GRIN2A: variants seen among roughly 807,000 people sequenced by gnomAD.
GRIN2A encodes glutamate receptor ionotropic, NMDA 2A.
A neutral mutation model predicts 113.4 loss-of-function variants in GRIN2A; 22 were observed. The ratio of observed to expected loss-of-function variants is 0.19; its 90% CI spans 0.14 to 0.28. GRIN2A has a LOEUF of 0.28. GRIN2A is among the 10% of genes least tolerant of loss of function. The pLI, the probability that GRIN2A is intolerant of heterozygous loss-of-function variation, is 1.00. For missense variants in GRIN2A, 1,502 were observed against 1,887.0 expected, an observed-to-expected ratio of 0.80 and a Z score of 3.78; for synonymous variants, 827 against 738.4, an observed-to-expected ratio of 1.12 and a Z score of -1.94.
intron 2 of GRIN2A, among the ~76,000 whole-genome samples, chr16:10,137,586 G>A (rs1186022429): frequency 3.3e-5 from 5 of 152,146 alleles, no homozygotes; most frequent in Non-Finnish European, 7.4e-5. Flanking sequence ...CCCGTCAGCT[G>A]GCTGTATGGC....
intron 2 of GRIN2A, among the ~76,000 whole-genome samples, chr16:10,029,854 AG>A (rs2046896019): frequency 1.3e-5 from 2 of 151,960 alleles, no homozygotes; most frequent in Admixed American, 1.3e-4. Flanking sequence ...AAAATTAGCC[AG>A]GTGTGGTGCT....
chr16:9,761,598 C>T lies in GRIN2A; in HGVS notation c.*1551G>A, dbSNP rs1048908875. 8.7e-6 allele frequency: 2 copies of T among 229,374 alleles called. No individual in the cohort carries two copies. Among genetic ancestry groups the T allele is most frequent in the African/African-American group, 4.4e-5 (2 of 45,104 alleles). 14.2% of individuals were successfully genotyped at this position (229,374 alleles called of 1,614,324 possible). A position where few individuals can be genotyped will look rare whatever the true frequency, so the allele number is the denominator to read the frequency against. ...ATATTTAATTTTTAAACTAGAAAAT[C>T]CTGATCTGAGAAAGTGTCATAACAT... On this transcript the variant is annotated 3_prime_UTR_variant, in exon 13 of 13. Coordinates refer to ENST00000330684, the MANE Select transcript of GRIN2A (RefSeq NM_001134407.3).
At chr16:10,136,047 G>A (rs10744973) in intron 2 of GRIN2A, among the ~76,000 whole-genome samples, 143,664 of 152,198 alleles carry the variant, frequency 0.94, 68,232 homozygotes, top group East Asian at 1. Flanking sequence ...ATAAGCACAT[G>A]TAAGTTAAGT....
intron 10 of GRIN2A, among the ~76,000 whole-genome samples, chr16:9,806,745 T>TATTA (rs34232956): frequency 0.32 from 48,779 of 151,102 alleles, 8,041 homozygotes; most frequent in African/African-American, 0.41. Flanking sequence ...AAGTGAGATA[T>TATTA]ATTGCAAGAA....
At chr16:9,765,626 T>C (rs576411605) in intron 12 of GRIN2A, among the ~76,000 whole-genome samples, 36 of 152,228 alleles carry the variant, frequency 2.4e-4, no homozygotes, top group African/African-American at 8.4e-4. Context: ...GGTGTGAGCC[T>C]ATCAGTGAAG....
intron 2 of GRIN2A, among the ~76,000 whole-genome samples, chr16:10,059,933 G>T (rs1304885862): frequency 6.6e-6 from 1 of 152,010 alleles, no homozygotes; most frequent in Non-Finnish European, 1.5e-5. Context: ...AGAGAGAAAA[G>T]GAAAAGAGGA....
At position 9,897,525 on chromosome 16, in the gene GRIN2A, T is replaced by C. The variant is rs559012954; in HGVS notation, c.1008-6425A>G. 1.6e-4 allele frequency among the ~76,000 whole-genome samples: 25 copies of C among 152,302 alleles called. 1 individual carries two copies. In the South Asian group the frequency reaches 4.1e-3, roughly 25 times the overall value. The stretch of plus-strand genomic sequence containing the variant: ...TAGCTATTGAGCATTTGAAATGTGG[T>C]TAGTCTGAATTGAAATGTGCCATCC... On this transcript the variant is annotated intron_variant, in intron 3 of 12. Coordinates refer to ENST00000330684, the MANE Select transcript of GRIN2A (RefSeq NM_001134407.3).
At chr16:9,838,431 T>C (rs2042618720) in intron 7 of GRIN2A, among the ~76,000 whole-genome samples, 1 of 152,004 alleles carries the variant, frequency 6.6e-6, no homozygotes, top group Admixed American at 6.6e-5. Context: ...ATAAAGAAAA[T>C]GTGGTATATA....
At chr16:9,947,111 T>C (rs576425117) in intron 2 of GRIN2A, among the ~76,000 whole-genome samples, 1 of 152,174 alleles carries the variant, frequency 6.6e-6, no homozygotes, top group African/African-American at 2.4e-5. Context: ...GGGTAGTGCA[T>C]CTCTCTTCAT....
chr16:10,089,585 G>A (rs2048147079), intron 2 of GRIN2A, among the ~76,000 whole-genome samples: 1 of 152,090 alleles, frequency 6.6e-6, no homozygotes, highest in Admixed American at 6.6e-5. Flanking sequence ...AGAGTTTGGG[G>A]TATGTGTGCT....
At chr16:10,135,848 A>T (rs2049180705) in intron 2 of GRIN2A, among the ~76,000 whole-genome samples, 1 of 152,182 alleles carries the variant, frequency 6.6e-6, no homozygotes, top group Non-Finnish European at 1.5e-5. Flanking sequence ...TCAACTGATT[A>T]TAAGCTTTAA....
At position 9,766,313 on chromosome 16, in the gene GRIN2A, C is replaced by T. The variant is rs920376702; in HGVS notation, c.2596-1365G>A. Among the ~76,000 whole-genome samples, 4 of 152,338 alleles carry T rather than the reference C, an allele frequency of 2.6e-5. No individual in the cohort carries two copies. In the South Asian group the frequency reaches 8.3e-4, roughly 32 times the overall value. On this transcript the variant is annotated intron_variant, in intron 12 of 12. Transcript: ENST00000330684. ...CCATGGTGGGGACAAGCTCACCCTG[C>T]AGGGATGCTCACGGAACTGTGACAG...
chr16:10,020,066 A>C (rs2046687801), intron 2 of GRIN2A, among the ~76,000 whole-genome samples: 1 of 152,074 alleles, frequency 6.6e-6, no homozygotes, highest in Non-Finnish European at 1.5e-5. Flanking sequence ...AAACCACTTT[A>C]TTTGTCAGTT....
intron 2 of GRIN2A, among the ~76,000 whole-genome samples, chr16:10,098,932 C>T (rs1447190555): frequency 7.1e-6 from 1 of 141,544 alleles, no homozygotes; most frequent in Admixed American, 7.0e-5. Context: ...ACTGTCCCCC[C>T]TCCCCCCCCC....
intron 3 of GRIN2A, among the ~76,000 whole-genome samples, chr16:9,900,898 T>C (rs1248387611): frequency 1.3e-5 from 2 of 152,220 alleles, no homozygotes; most frequent in Admixed American, 6.5e-5. Context: ...GTATGTAACG[T>C]GGCGTGCATT....
At chr16:10,146,690 A>G (rs1420309104) in intron 2 of GRIN2A, among the ~76,000 whole-genome samples, 16 of 152,106 alleles carry the variant, frequency 1.1e-4, no homozygotes, top group Admixed American at 9.2e-4. Context: ...GAGGTGAAAG[A>G]CAGGTGTTGG....
chr16:9,920,591 TCTTG>T lies in GRIN2A; in HGVS notation c.1007+17364_1007+17367del, dbSNP rs374495090. ...ATTTTTTTTTTTTTTTCAGATGGAG[TCTTG>T]CTTGCTCTGTCACCAAGCTGGAGTG... On this transcript the variant is annotated intron_variant, in intron 3 of 12. Transcript: ENST00000330684. Among the ~76,000 whole-genome samples, 460 of 148,318 alleles carry T rather than the reference TCTTG, an allele frequency of 3.1e-3. 4 individuals carry two copies. Among genetic ancestry groups the T allele is most frequent in the African/African-American group, 0.011 (436 of 39,934 alleles).
chr16:9,883,460 T>G (rs2043524197), intron 4 of GRIN2A, among the ~76,000 whole-genome samples: 1 of 152,098 alleles, frequency 6.6e-6, no homozygotes, highest in Non-Finnish European at 1.5e-5. Flanking sequence ...TCTGCAGGAA[T>G]GAAGTGGAAA....
At chr16:10,096,728 T>C (rs72774186) in intron 2 of GRIN2A, among the ~76,000 whole-genome samples, 12,962 of 152,130 alleles carry the variant, frequency 0.085, 703 homozygotes, top group Non-Finnish European at 0.13. Context: ...CTCATTTCCC[T>C]GCCCTCCTCC....
Sources: gnomAD v4.1 joint callset for allele counts (sites outside exome capture counted in the v4.1 genomes callset) on GRCh38, gnomAD v4.1.1 for gene constraint, MANE v1.5 for transcripts, NCBI Gene and HGNC (gene_info 2026-07-23, HGNC 2026-07-21) for gene names.